Variants in FHAD1 observed in about 807,000 individuals in gnomAD.
The protein encoded by FHAD1 is forkhead associated phosphopeptide binding domain 1.
Under a neutral mutation model 191.3 loss-of-function variants are expected in FHAD1, and 146 were observed. That is an observed-to-expected ratio of 0.76 (90% CI 0.67 to 0.88). The LOEUF (loss-of-function observed/expected upper bound fraction) is 0.88, where lower values mean the gene tolerates loss of function less well. Ranked by LOEUF, FHAD1 falls within the 40% of genes least tolerant of loss-of-function variation. FHAD1 has a pLI of 0.00. For synonymous variants in FHAD1, 616 were observed against 672.3 expected (o/e 0.92, Z 1.29); for missense variants, 1,635 against 1,785.8 (o/e 0.92, Z 1.52).
rs769340570 is a variant in FHAD1 at position 15,391,278 on chromosome 1, C to T, written c.4323+15C>T. On this transcript the variant is annotated intron_variant, in intron 33 of 33. Coordinates refer to ENST00000688493, the MANE Select transcript of FHAD1 (RefSeq NM_001391957.1). ...CAAATTCCCAGGTGAGCAGAAAGAG[C>T]ATCCTTTAGAATTCTCTTTTTTTGT... is the stretch of plus-strand genomic sequence containing the variant. 3.1e-6 allele frequency: 4 copies of T among 1,278,920 alleles called. No individual in the cohort carries two copies. The South Asian group carries it at 5.0e-5, about 16-fold the overall frequency. The allele number at this position is 1,278,920 out of a possible 1,614,324, so 79.2% of individuals were successfully genotyped here.
Position 15,328,377 on chromosome 1 carries a change from A to G in FHAD1, c.1658A>G (p.Glu553Gly). 6.7e-7 allele frequency: 1 copy of G among 1,485,392 alleles called. No homozygotes were observed. The highest frequency in any genetic ancestry group is 9.0e-7 in the Non-Finnish European group (1 of 1,111,880). The allele number at this position is 1,485,392 out of a possible 1,614,324, so 92.0% of individuals were successfully genotyped here. A position where few individuals can be genotyped will look rare whatever the true frequency, so the allele number is the denominator to read the frequency against. ...KETQLSNSKQ[E>G]ETTENIEKLR... The stretch of plus-strand genomic sequence containing the variant: ...ACCCAGCTGAGCAACTCCAAGCAGG[A>G]GGAGACCACCGAGAACATCGAGAAG... The change falls in exon 13 of 34, where the codon GAG becomes GGG. Residue 553 changes from glutamate (E) to glycine (G), a missense_variant. Physicochemically the swap from Glu to Gly is moderately conservative, Grantham distance 98. Transcript: ENST00000688493.
At chr1:15,239,040 T>G (rs1249848424) in intron 1 of FHAD1, among the ~76,000 whole-genome samples, 1 of 152,150 alleles carries the variant, frequency 6.6e-6, no homozygotes, top group East Asian at 1.9e-4. Flanking sequence ...CCAGAGTAGC[T>G]GAGACTACAA....
intron 14 of FHAD1, among the ~76,000 whole-genome samples, chr1:15,331,006 G>A (rs1681089082): frequency 1.3e-5 from 2 of 152,156 alleles, no homozygotes; most frequent in African/African-American, 2.4e-5. Context: ...AGATTCAGGG[G>A]CGAGTAAGAG....
At chr1:15,301,718 TAC>T (rs1311584629) in intron 6 of FHAD1, among the ~76,000 whole-genome samples, 2 of 152,212 alleles carry the variant, frequency 1.3e-5, no homozygotes, top group African/African-American at 2.4e-5. Context: ...ACATCCATTC[TAC>T]AGATGAAGGG....
chr1:15,397,329 C>A lies in FHAD1; in HGVS notation c.4356C>A (p.Asp1452Glu). 2 of 1,542,824 alleles carry A rather than the reference C, an allele frequency of 1.3e-6. No homozygotes were observed. Among genetic ancestry groups the A allele is most frequent in the Non-Finnish European group, 1.8e-6 (2 of 1,141,110 alleles). Residue 1452 changes from aspartate to glutamate, a missense_variant, in exon 34 of 34, where the codon GAC becomes GAA. Physicochemically the swap from Asp to Glu is conservative, Grantham distance 45. Transcript: ENST00000688493. ...VGTRKASLKM[D>E]QEREMLRKET... ...CCAGAAAAGCCTCCCTAAAGATGGA[C>A]CAAGAAAGAGAGATGCTGAGGAAAG...
chr1:15,238,044 T>G (rs1404573767), intron 1 of FHAD1, among the ~76,000 whole-genome samples: 1 of 149,894 alleles, frequency 6.7e-6, no homozygotes, highest in Non-Finnish European at 1.5e-5. Context: ...ACGTCAGGAG[T>G]CCGAGACCAG....
intron 14 of FHAD1, among the ~76,000 whole-genome samples, chr1:15,332,563 T>C (rs1682145094): frequency 6.6e-6 from 1 of 151,954 alleles, no homozygotes; most frequent in Non-Finnish European, 1.5e-5. Flanking sequence ...TAAAAAATAA[T>C]AATAAATTAG....
rs79250253 is a variant in FHAD1, at chr1:15,316,039, G to A, written c.1171-339G>A. 0.04 allele frequency among the ~76,000 whole-genome samples: 6,122 copies of A among 152,312 alleles called. 151 individuals carry two copies. The highest frequency in any genetic ancestry group is 0.058 in the East Asian group (303 of 5,180). On this transcript the variant is annotated intron_variant, in intron 8 of 33. Coordinates refer to ENST00000688493, the MANE Select transcript of FHAD1 (RefSeq NM_001391957.1). This position sits in a 1 kb window ranked among gnomAD's most constrained non-coding sequence, Gnocchi z 4.3. ...TGAATTGCATGAAGCACTGAGAGCC[G>A]TCCAGGCTCGCTAGTGGCCCTCCAA...
rs189386632 is a variant in FHAD1 at position 15,385,010 on chromosome 1, C to A, written c.4188+2817C>A. 1.3e-3 allele frequency among the ~76,000 whole-genome samples: 201 copies of A among 152,242 alleles called. 1 individual carries two copies. Among genetic ancestry groups the A allele is most frequent in the East Asian group, 1.9e-3 (10 of 5,180 alleles). ...CCCCCCTATTCCTTTCCAGGATGCA[C>A]CCCGCCTACTCCATCACCATTTCTC... is the stretch of plus-strand genomic sequence containing the variant. On this transcript the variant is annotated intron_variant, in intron 31 of 33. Transcript: ENST00000688493.
intron 5 of FHAD1, among the ~76,000 whole-genome samples, chr1:15,299,600 C>T (rs1046699906): frequency 2.0e-5 from 3 of 152,176 alleles, no homozygotes; most frequent in Non-Finnish European, 4.4e-5. Context: ...GACCCTCCTA[C>T]CAAGACCGTG....
intron 5 of FHAD1, among the ~76,000 whole-genome samples, chr1:15,300,479 G>T (rs1358284090): frequency 6.6e-6 from 1 of 152,188 alleles, no homozygotes; most frequent in African/African-American, 2.4e-5. Flanking sequence ...AAGTTAAATA[G>T]CCCCATTATA....
chr1:15,375,573 T>C (rs999792637), intron 27 of FHAD1, 30 bp from the exon 28 acceptor site: 114 of 1,498,260 alleles, frequency 7.6e-5, no homozygotes, highest in Non-Finnish European at 9.5e-5. Context: ...CCTGAGCCTT[T>C]CTTTTGAGTC....
At chr1:15,264,578 G>GTGTGTGTGTGTA (rs1553230111) in intron 2 of FHAD1, among the ~76,000 whole-genome samples, 22 of 149,974 alleles carry the variant, frequency 1.5e-4, no homozygotes, top group Middle Eastern at 3.4e-3. Context: ...GTGTGTGTGT[G>GTGTGTGTGTGTA]ATCTTTAGGG....
intron 14 of FHAD1, chr1:15,334,188 G>A (rs1683000984): frequency 6.6e-6 from 1 of 152,104 alleles, no homozygotes. Context: ...GAGTCACACA[G>A]CTGGTACATT....
intron 2 of FHAD1, among the ~76,000 whole-genome samples, chr1:15,263,510 CTTTTTT>C (rs771788861): frequency 5.3e-5 from 4 of 75,056 alleles, no homozygotes; most frequent in South Asian, 9.7e-4. Flanking sequence ...CAGTTTTATT[CTTTTTT>C]TTTTTTTTTT....
intron 32 of FHAD1, chr1:15,388,450 A>T: frequency 8.7e-6 from 10 of 1,151,566 alleles, no homozygotes; most frequent in South Asian, 1.6e-5. Flanking sequence ...ATATTCCAGC[A>T]CAGCTTCAGC....
intron 20 of FHAD1, chr1:15,357,889 A>C (rs1693403440): frequency 2.2e-6 from 1 of 458,808 alleles, no homozygotes; most frequent in Non-Finnish European, 3.8e-6. Context: ...AACTGAGCTC[A>C]GAGACCAGAA....
At chr1:15,331,964 C>T (rs1681802163) in intron 14 of FHAD1, among the ~76,000 whole-genome samples, 1 of 151,988 alleles carries the variant, frequency 6.6e-6, no homozygotes, top group African/African-American at 2.4e-5. Context: ...AAGCTTGTTG[C>T]TACTCCTTCT....
chr1:15,359,166 T>C (rs1290795913), intron 21 of FHAD1, among the ~76,000 whole-genome samples: 1 of 152,060 alleles, frequency 6.6e-6, no homozygotes, highest in African/African-American at 2.4e-5. Flanking sequence ...AGCGACCCTC[T>C]TTTGGAGAAG....
Sources: gnomAD v4.1 joint callset for allele counts (sites outside exome capture counted in the v4.1 genomes callset) on GRCh38, gnomAD v4.1.1 for gene constraint, Gnocchi (gnomAD v3.1) non-coding constraint, MANE v1.5 for transcripts, NCBI Gene and HGNC (gene_info 2026-07-23, HGNC 2026-07-21) for gene names.